Variants in MEF2C observed in about 807,000 individuals in gnomAD.
MEF2C encodes the protein myocyte-specific enhancer factor 2C.
In MEF2C, 6 loss-of-function variants were observed where a neutral mutation model predicts 50.5. That is an observed-to-expected ratio of 0.12 (90% CI 0.07 to 0.23). The LOEUF (loss-of-function observed/expected upper bound fraction) is 0.23, where lower values mean the gene tolerates loss of function less well. MEF2C is among the 10% of genes least tolerant of loss of function. The pLI is 1.00. For missense variants in MEF2C, 276 were observed against 605.0 expected, an observed-to-expected ratio of 0.46 and a Z score of 5.70; for synonymous variants, 183 against 228.0, an observed-to-expected ratio of 0.80 and a Z score of 1.78.
intron 3 of MEF2C, among the ~76,000 whole-genome samples, chr5:88,780,164 GA>G (rs1332996918): frequency 6.6e-6 from 1 of 151,170 alleles, no homozygotes; most frequent in African/African-American, 2.4e-5. Context: ...AAAAGAAAAA[GA>G]AAAAAGAAAA....
At chr5:88,864,543 A>G (rs1030265002) in intron 1 of MEF2C, among the ~76,000 whole-genome samples, 2 of 150,958 alleles carry the variant, frequency 1.3e-5, no homozygotes, top group Non-Finnish European at 2.9e-5. Context: ...AATACACATA[A>G]ATATAAATAT....
chr5:88,717,123 T>C lies in MEF2C; in HGVS notation c.*5481A>G, dbSNP rs1755078221. ...CAACATTCAAACTCAAATATAAAAT[T>C]ATTAAGGATAATTTTATTATCAGGA... On this transcript the variant is annotated 3_prime_UTR_variant, in exon 11 of 11. Coordinates refer to ENST00000504921, the MANE Select transcript of MEF2C (RefSeq NM_002397.5). The C allele has an allele frequency of 6.6e-6, 1 of 152,210 alleles. No individual in the cohort carries two copies. The highest frequency in any genetic ancestry group is 6.5e-5 in the Admixed American group (1 of 15,274). 9.4% of individuals were successfully genotyped at this position (152,210 alleles called of 1,614,324 possible).
At chr5:88,844,704 C>CCAAAAA (rs1818679152) in intron 1 of MEF2C, 3 of 425,866 alleles carry the variant, frequency 7.0e-6, no homozygotes, top group African/African-American at 6.5e-5. Context: ...AAAAACAACT[C>CCAAAAA]TTTTCCTCAT....
chr5:88,885,527 T>C (rs903416448), upstream of MEF2C, among the ~76,000 whole-genome samples: 11 of 151,652 alleles, frequency 7.3e-5, no homozygotes, highest in Non-Finnish European at 1.3e-4. Context: ...TTTTCAAATG[T>C]TGAGTTTGCC....
At chr5:88,830,337 C>A (rs1812563273) in intron 1 of MEF2C, among the ~76,000 whole-genome samples, 1 of 152,044 alleles carries the variant, frequency 6.6e-6, no homozygotes, top group Non-Finnish European at 1.5e-5. Flanking sequence ...TATAATAAGG[C>A]TAAAAAGGAA....
chr5:88,882,803 T>C (rs1833344621), intron 1 of MEF2C, among the ~76,000 whole-genome samples, 152 bp downstream of exon 1: 1 of 152,036 alleles, frequency 6.6e-6, no homozygotes, highest in Admixed American at 6.5e-5. Context: ...AATCATGGAA[T>C]CTAACGAAAA....
intron 3 of MEF2C, among the ~76,000 whole-genome samples, chr5:88,779,018 A>G (rs2152845951): frequency 6.6e-6 from 1 of 152,360 alleles, no homozygotes; most frequent in Non-Finnish European, 1.5e-5. Flanking sequence ...GCCAATACCC[A>G]TGTCTCTCAG....
chr5:88,783,914 T>C (rs1269364514), intron 3 of MEF2C, among the ~76,000 whole-genome samples: 2 of 152,200 alleles, frequency 1.3e-5, no homozygotes, highest in Non-Finnish European at 2.9e-5. Context: ...ATCCTAAGAA[T>C]TTAATAATTA....
In MEF2C at chr5:88,869,310, TATATAC is replaced by T. The variant is rs199649438; in HGVS notation, c.-143+13639_-143+13644del. Among the ~76,000 whole-genome samples, 386 of 119,954 alleles carry T rather than the reference TATATAC, an allele frequency of 3.2e-3. 4 individuals carry two copies. The highest frequency in any genetic ancestry group is 8.5e-3 in the African/African-American group (258 of 30,212). 78.7% of individuals were successfully genotyped at this position (119,954 alleles called of 152,430 possible). A position where few individuals can be genotyped will look rare whatever the true frequency, so the allele number is the denominator to read the frequency against. ...ATATATATATACACATATATATATA[TATATAC>T]ACATATAGCTTCATTTGTACAAATT... On this transcript the variant is annotated intron_variant, in intron 1 of 10. Transcript: ENST00000504921.
intron 6 of MEF2C, chr5:88,740,040 A>G: frequency 1.0e-6 from 1 of 985,350 alleles, no homozygotes; most frequent in Non-Finnish European, 1.2e-6. Context: ...TTCTTAGAGA[A>G]ATACCCCAAG....
At chr5:88,803,008 T>C (rs1033283393) in intron 3 of MEF2C, among the ~76,000 whole-genome samples, 1 of 152,168 alleles carries the variant, frequency 6.6e-6, no homozygotes, top group African/African-American at 2.4e-5. Context: ...TGAGATGGAG[T>C]TTTTAGTAAA....
At chr5:88,863,142 T>C (rs530402302) in intron 1 of MEF2C, among the ~76,000 whole-genome samples, 1 of 152,336 alleles carries the variant, frequency 6.6e-6, no homozygotes, top group South Asian at 2.1e-4. Context: ...TAACCAGTCA[T>C]CTCCCAAAAG....
At chr5:88,837,024 A>AG (rs1815408872) in intron 1 of MEF2C, among the ~76,000 whole-genome samples, 1 of 150,526 alleles carries the variant, frequency 6.6e-6, no homozygotes, top group Admixed American at 6.6e-5. Flanking sequence ...AAAAAAAAAA[A>AG]GTCAGGAAAT....
At chr5:88,869,278 C>CATATATATATATATATACACATATATAT (rs1828573148) in intron 1 of MEF2C, among the ~76,000 whole-genome samples, 2 of 48,602 alleles carry the variant, frequency 4.1e-5, no homozygotes, top group Admixed American at 5.2e-4. Context: ...TATATATATA[C>CATATATATATATATATACACATATATAT]ATATATATAT....
chr5:88,764,945 T>C (rs1440407528), intron 3 of MEF2C, among the ~76,000 whole-genome samples: 1 of 152,076 alleles, frequency 6.6e-6, no homozygotes, highest in African/African-American at 2.4e-5. Flanking sequence ...TGCATATTGG[T>C]CAATAAAACA....
At chr5:88,882,451 A>G (rs373037541) in intron 1 of MEF2C, among the ~76,000 whole-genome samples, 73 of 152,348 alleles carry the variant, frequency 4.8e-4, no homozygotes, top group African/African-American at 1.7e-3. Flanking sequence ...ATACTCTGAC[A>G]GACAGCCATG....
At chr5:88,737,211 T>C (rs1764490367) in intron 6 of MEF2C, 1 of 985,068 alleles carries the variant, frequency 1.0e-6, no homozygotes, top group Non-Finnish European at 1.2e-6. Flanking sequence ...TTATGCTACT[T>C]GAGAAAATTT....
chr5:88,866,258 C>T (rs1042531733), intron 1 of MEF2C, among the ~76,000 whole-genome samples: 13 of 152,226 alleles, frequency 8.5e-5, no homozygotes, highest in Non-Finnish European at 1.9e-4. Context: ...TGCATGCTTG[C>T]ATGGTAATCC....
At chr5:88,734,588 T>TTTTTTTTTTTTTTTTTTTTTC (rs1763287659) in intron 6 of MEF2C, 1 of 973,972 alleles carries the variant, frequency 1.0e-6, no homozygotes, top group Non-Finnish European at 1.2e-6. Flanking sequence ...TTTTTTTTTT[T>TTTTTTTTTTTTTTTTTTTTTC]TTTTTTTTTT....
Sources: gnomAD v4.1 joint callset for allele counts (sites outside exome capture counted in the v4.1 genomes callset) on GRCh38, gnomAD v4.1.1 for gene constraint, MANE v1.5 for transcripts, NCBI Gene and HGNC (gene_info 2026-07-23, HGNC 2026-07-21) for gene names.